FBXO34: variants seen among roughly 807,000 people sequenced by gnomAD.
FBXO34 encodes F-box protein 34.
In FBXO34, 12 loss-of-function variants were observed where a neutral mutation model predicts 24.5. The ratio of observed to expected loss-of-function variants is 0.49; its 90% CI spans 0.31 to 0.79. FBXO34 has a LOEUF of 0.79. FBXO34 is among the 30% of genes least tolerant of loss of function. The probability of loss-of-function intolerance (pLI) is 0.04; values close to 1 mark genes in which losing one functional copy is unlikely to be tolerated. For missense variants in FBXO34, 823 were observed against 857.7 expected, an observed-to-expected ratio of 0.96 and a Z score of 0.51; for synonymous variants, 320 against 311.9, an observed-to-expected ratio of 1.03 and a Z score of -0.27.
At chr14:55,362,231 AG>A (rs1884602973), downstream of FBXO34, among the ~76,000 whole-genome samples, 1 of 152,218 alleles carries the variant, frequency 6.6e-6, no homozygotes, top group African/African-American at 2.4e-5. Context: ...AGGGAACAGG[AG>A]GTCAGTGTAG....
intron 1 of FBXO34, among the ~76,000 whole-genome samples, chr14:55,306,490 A>G (rs1393665254): frequency 1.3e-5 from 2 of 152,250 alleles, no homozygotes; most frequent in East Asian, 3.8e-4. Context: ...ATATATTTTA[A>G]GTTAACAAAT....
chr14:55,345,758 T>G (rs1884139818), intron 1 of FBXO34, among the ~76,000 whole-genome samples: 1 of 152,166 alleles, frequency 6.6e-6, no homozygotes, highest in Non-Finnish European at 1.5e-5. Context: ...TCCCAATACT[T>G]TGGGAGGCCA....
the FBXO34 span, among the ~76,000 whole-genome samples, chr14:55,440,023 C>G: frequency 4.6e-5 from 7 of 151,668 alleles, no homozygotes; most frequent in Admixed American, 3.9e-4. Context: ...TCGCTTGAAC[C>G]CAGGAGGCGG....
intron 1 of FBXO34, among the ~76,000 whole-genome samples, chr14:55,338,448 T>A (rs943778965): frequency 1.3e-5 from 2 of 152,134 alleles, no homozygotes; most frequent in Non-Finnish European, 2.9e-5. Context: ...GATAAGAGTA[T>A]GTACTTCTTG....
chr14:55,404,861 T>C, the FBXO34 span, among the ~76,000 whole-genome samples: 1 of 152,180 alleles, frequency 6.6e-6, no homozygotes, highest in Admixed American at 6.5e-5. Context: ...CAGGAGTAAG[T>C]CAGCCACAAC....
chr14:55,318,143 T>C (rs1383788209), intron 1 of FBXO34: 1 of 151,830 alleles, frequency 6.6e-6, no homozygotes, highest in Non-Finnish European at 1.5e-5. Context: ...AATCTCCAGT[T>C]CTTTTTGACC....
downstream of FBXO34, among the ~76,000 whole-genome samples, chr14:55,362,469 C>T (rs751361014): frequency 1.6e-4 from 24 of 152,226 alleles, no homozygotes; most frequent in African/African-American, 5.3e-4. Flanking sequence ...TATCACAAAC[C>T]TTCAATTTGT....
intron 1 of FBXO34, among the ~76,000 whole-genome samples, chr14:55,345,248 C>T (rs1316874358): frequency 1.3e-5 from 2 of 152,182 alleles, no homozygotes; most frequent in Admixed American, 1.3e-4. Flanking sequence ...GAGGACCCAT[C>T]CTTGACTCCT....
chr14:55,413,671 C>A, the FBXO34 span: 1 of 356,858 alleles, frequency 2.8e-6, no homozygotes, highest in South Asian at 2.8e-5. Context: ...ACACCTCTCC[C>A]TTTGACGTCT....
the FBXO34 span, among the ~76,000 whole-genome samples, chr14:55,417,660 C>T: frequency 6.6e-6 from 1 of 152,092 alleles, no homozygotes; most frequent in East Asian, 1.9e-4. Flanking sequence ...GGGGGTCTCG[C>T]TATGTTGCCC....
At chr14:55,297,409 GC>G (rs997877960) in intron 1 of FBXO34, among the ~76,000 whole-genome samples, 7 of 152,074 alleles carry the variant, frequency 4.6e-5, no homozygotes, top group African/African-American at 9.7e-5. Flanking sequence ...GCCTCTCAGT[GC>G]CCCATTTTTC....
chr14:55,418,180 C>T, the FBXO34 span, among the ~76,000 whole-genome samples: 3 of 152,328 alleles, frequency 2.0e-5, no homozygotes, highest in East Asian at 3.9e-4. Flanking sequence ...TTATTTATGT[C>T]TGTCTCCCTC....
At position 55,298,679 on chromosome 14, in the gene FBXO34, C is replaced by T. The variant is rs899829624; in HGVS notation, c.-11+27142C>T. The T allele has an allele frequency of 1.4e-5, 21 of 1,546,784 alleles. No homozygotes were observed. The East Asian group carries it at 3.2e-4, about 24-fold the overall frequency. Reference sequence around the variant, plus strand: ...CTGGAGGGGGTAAGGCCGGCAAGGGCGGCCTGACCCTCCAGGAGGCCATCC... The same window carrying T: ...CTGGAGGGGGTAAGGCCGGCAAGGGTGGCCTGACCCTCCAGGAGGCCATCC... On this transcript the variant is annotated intron_variant, in intron 1 of 1. Transcript: ENST00000313833.
At chr14:55,358,640 C>CGCAG (rs1884553604) in intron 3 of FBXO34, among the ~76,000 whole-genome samples, 2 of 152,298 alleles carry the variant, frequency 1.3e-5, no homozygotes, top group Admixed American at 1.3e-4. Flanking sequence ...CATGAAGAGG[C>CGCAG]GCAGGGCAGG....
At chr14:55,376,940 T>C in the FBXO34 span, among the ~76,000 whole-genome samples, 3 of 152,186 alleles carry the variant, frequency 2.0e-5, no homozygotes, top group Non-Finnish European at 4.4e-5. Context: ...CCAGCCCTGG[T>C]TGGTATTTTT....
chr14:55,401,174 C>A, the FBXO34 span, among the ~76,000 whole-genome samples: 54 of 152,072 alleles, frequency 3.6e-4, no homozygotes, highest in South Asian at 1.7e-3. Flanking sequence ...GCATTTATTT[C>A]ATTATGAGAA....
chr14:55,300,930 G>A (rs1882331319), intron 1 of FBXO34, among the ~76,000 whole-genome samples: 1 of 152,116 alleles, frequency 6.6e-6, no homozygotes, highest in South Asian at 2.1e-4. Context: ...AATATACTAA[G>A]GTTATTCTTT....
chr14:55,371,818 AAAAC>A (rs1432552695), downstream of FBXO34, among the ~76,000 whole-genome samples: 3 of 149,966 alleles, frequency 2.0e-5, no homozygotes, highest in Non-Finnish European at 3.0e-5. Context: ...AACAAACAAA[AAAAC>A]AAAGAGCCCC....
At chr14:55,382,955 C>G in the FBXO34 span, among the ~76,000 whole-genome samples, 2 of 152,066 alleles carry the variant, frequency 1.3e-5, no homozygotes, top group African/African-American at 4.8e-5. Flanking sequence ...AAAAAACTTT[C>G]AAAACAAAAA....
Sources: gnomAD v4.1 joint callset for allele counts (sites outside exome capture counted in the v4.1 genomes callset) on GRCh38, gnomAD v4.1.1 for gene constraint, MANE v1.5 for transcripts, NCBI Gene and HGNC (gene_info 2026-07-23, HGNC 2026-07-21) for gene names.